DYRK2: variants seen among roughly 807,000 people sequenced by gnomAD.
DYRK2 encodes the protein dual specificity tyrosine-phosphorylation-regulated kinase 2.
In DYRK2, 12 loss-of-function variants were observed where a neutral mutation model predicts 41.6. The observed-to-expected ratio is 0.29, with a 90% CI of 0.18 to 0.47. DYRK2 has a LOEUF of 0.47. DYRK2 is among the 20% of genes least tolerant of loss of function. The pLI, the probability that DYRK2 is intolerant of heterozygous loss-of-function variation, is 1.00. For synonymous variants in DYRK2, 322 were observed against 315.7 expected (o/e 1.02, Z -0.21); for missense variants, 678 against 798.4 (o/e 0.85, Z 1.82).
chr12:67,649,253 C>A (rs1872231508), intron 1 of DYRK2, 71 bp downstream of exon 1: 4 of 1,205,058 alleles, frequency 3.3e-6, no homozygotes, highest in Non-Finnish European at 4.2e-6. Context: ...GTGGCGCGGG[C>A]GGCCGCTGCC....
At chr12:67,649,764 C>G (rs951908871) in intron 1 of DYRK2, 33 bp from the exon 2 acceptor site, 1 of 1,310,970 alleles carries the variant, frequency 7.6e-7, no homozygotes, top group Admixed American at 3.1e-5. Context: ...CCCCCCTGAC[C>G]CTCTTTTGTC....
chr12:67,649,742 G>T, intron 1 of DYRK2, 55 bp from the exon 2 acceptor site: 2 of 1,302,152 alleles, frequency 1.5e-6, no homozygotes, highest in East Asian at 2.8e-5. Context: ...GGGGGGGTCT[G>T]GGTGACTTTC....
chr12:67,649,405 C>T (rs1872238455), intron 1 of DYRK2, among the ~76,000 whole-genome samples: 1 of 151,712 alleles, frequency 6.6e-6, no homozygotes, highest in Non-Finnish European at 1.5e-5. Flanking sequence ...TTCTGCCTGC[C>T]GGGGGCCCGG....
rs762671872 is a variant in DYRK2 at position 67,661,931 on chromosome 12, C to T, written c.*3218C>T. On this transcript the variant is annotated 3_prime_UTR_variant, in exon 3 of 3. Transcript: ENST00000344096. ...CCAAAGTGCATTCCTTTTATATGTG[C>T]CTGGCTCTAGTAAGGATGGCCAGGG... 4 of 166,708 alleles carry T rather than the reference C, an allele frequency of 2.4e-5. No individual in the cohort carries two copies. The allele number at this position is 166,708 out of a possible 1,614,324, so 10.3% of individuals were successfully genotyped here.
rs1208385119 is a variant in DYRK2, at chr12:67,649,924, C to T, written c.177C>T (p.Asn59=). Residue 59 remains asparagine (N), a synonymous_variant, in exon 2 of 3, where the codon AAC becomes AAT. Transcript: ENST00000344096. ...CCCTGCCGCCTCTCCGGGCCAGCAACGCTGCCGCCGCAGCCCACACGGTGA... is the reference window on the plus strand; with the variant it reads ...CCCTGCCGCCTCTCCGGGCCAGCAATGCTGCCGCCGCAGCCCACACGGTGA... ...PIALPPLRAS[N]AAAAAHTIGG... 1.5e-6 allele frequency: 2 copies of T among 1,377,448 alleles called. No homozygotes were observed. Among genetic ancestry groups the T allele is most frequent in the African/African-American group, 1.5e-5 (1 of 65,666 alleles). The allele number at this position is 1,377,448 out of a possible 1,614,324, so 85.3% of individuals were successfully genotyped here. A position where few individuals can be genotyped will look rare whatever the true frequency, so the allele number is the denominator to read the frequency against.
chr12:67,658,375 C>G lies in DYRK2; in HGVS notation c.1468C>G (p.Pro490Ala). ...GRSRRGKLRGPPESREWGNAL... is the reference protein window; with the variant it reads ...GRSRRGKLRGAPESREWGNAL... Reference sequence around the variant, plus strand: ...TTCCCGGAGGGGGAAACTGAGGGGCCCACCGGAGAGCAGAGAGTGGGGGAA... The same window carrying G: ...TTCCCGGAGGGGGAAACTGAGGGGCGCACCGGAGAGCAGAGAGTGGGGGAA... The change falls in exon 3 of 3, where the codon CCA becomes GCA. Residue 490 changes from proline to alanine, a missense_variant. Transcript: ENST00000344096. The surrounding 1 kb of genome is among the most constrained non-coding windows in gnomAD (Gnocchi z 4.3). The G allele has an allele frequency of 6.2e-7, 1 of 1,607,944 alleles. No homozygotes were observed. Among genetic ancestry groups the G allele is most frequent in the Admixed American group, 1.7e-5 (1 of 58,940 alleles).
At position 67,661,308 on chromosome 12, in the gene DYRK2, TC is replaced by T. The variant is rs1399245494; in HGVS notation, c.*2596del. On this transcript the variant is annotated 3_prime_UTR_variant, in exon 3 of 3. Transcript: ENST00000344096. Reference sequence around the variant, plus strand: ...GTTGGCTTGGAAACAGTTTTTGGTCTCACAGGTTACCATTGTTTGGGGATGT... The same window carrying T: ...GTTGGCTTGGAAACAGTTTTTGGTCTACAGGTTACCATTGTTTGGGGATGT... The T allele has an allele frequency of 1.2e-5, 2 of 167,134 alleles. No homozygotes were observed. Among genetic ancestry groups the T allele is most frequent in the Non-Finnish European group, 2.9e-5 (2 of 68,106 alleles). The allele number at this position is 167,134 out of a possible 1,614,324, so 10.4% of individuals were successfully genotyped here.
intron 2 of DYRK2, among the ~76,000 whole-genome samples, chr12:67,652,998 T>TTTTGTA (rs986442023): frequency 6.6e-6 from 1 of 151,916 alleles, no homozygotes; most frequent in Non-Finnish European, 1.5e-5. Context: ...CCTGGCTAAT[T>TTTTGTA]TTTGTATTTT....
rs899262820 is a variant in DYRK2 at position 67,659,027 on chromosome 12, C to T, written c.*314C>T. 1.3e-5 allele frequency: 3 copies of T among 234,500 alleles called. No individual in the cohort carries two copies. The Admixed American group carries it at 1.7e-4, about 13-fold the overall frequency. The allele number at this position is 234,500 out of a possible 1,614,324, so 14.5% of individuals were successfully genotyped here. On this transcript the variant is annotated 3_prime_UTR_variant, in exon 3 of 3. Coordinates refer to ENST00000344096, the MANE Select transcript of DYRK2 (RefSeq NM_006482.3). ...TTACTTCATGACTGCCACGCATTTA[C>T]AGATTGGTGTCAAAGACATTCACTA...
chr12:67,663,686 A>G lies in DYRK2; in HGVS notation c.*4973A>G, dbSNP rs1415655562. The G allele has an allele frequency of 1.3e-5, 2 of 152,206 alleles. No individual in the cohort carries two copies. Among genetic ancestry groups the G allele is most frequent in the Non-Finnish European group, 2.9e-5 (2 of 68,022 alleles). 9.4% of individuals were successfully genotyped at this position (152,206 alleles called of 1,614,324 possible). A position where few individuals can be genotyped will look rare whatever the true frequency, so the allele number is the denominator to read the frequency against. ...ATTGAAAATTGGTGCTAAAGTGGCA[A>G]TGTCAATTTAAAATTTCTTGTCCAG... On this transcript the variant is annotated 3_prime_UTR_variant, in exon 3 of 3. Coordinates refer to ENST00000344096, the MANE Select transcript of DYRK2 (RefSeq NM_006482.3).
At position 67,657,243 on chromosome 12, in the gene DYRK2, A is replaced by C. The variant is rs1872500024; in HGVS notation, c.336A>C (p.Thr112=). 1.9e-6 allele frequency: 3 copies of C among 1,614,002 alleles called. No homozygotes were observed. The highest frequency in any genetic ancestry group is 3.3e-5 in the Admixed American group (2 of 59,986). ...TCACGACACAACCAAATGGGCTTAC[A>C]ACAGTGGGCAAAACGGGCTTGCCAG... ...TVLTTQPNGL[T]TVGKTGLPVV... The change falls in exon 3 of 3, where the codon ACA becomes ACC. Residue 112 remains threonine (T), a synonymous_variant. Coordinates refer to ENST00000344096, the MANE Select transcript of DYRK2 (RefSeq NM_006482.3). This position sits in a 1 kb window ranked among gnomAD's most constrained non-coding sequence, Gnocchi z 4.8.
chr12:67,652,000 GTTA>G (rs1360030192), intron 2 of DYRK2, among the ~76,000 whole-genome samples: 2 of 151,798 alleles, frequency 1.3e-5, no homozygotes, highest in Non-Finnish European at 2.9e-5. Flanking sequence ...TAAATTTTTA[GTTA>G]TTATTTCCAG....
In DYRK2 at chr12:67,657,273, G is replaced by A. The variant is rs1344807920; in HGVS notation, c.366G>A (p.Val122=). 2.5e-6 allele frequency: 4 copies of A among 1,613,902 alleles called. No homozygotes were observed. Among genetic ancestry groups the A allele is most frequent in the Non-Finnish European group, 3.4e-6 (4 of 1,180,004 alleles). The change falls in exon 3 of 3, where the codon GTG becomes GTA. Residue 122 remains valine, a synonymous_variant. Coordinates refer to ENST00000344096, the MANE Select transcript of DYRK2 (RefSeq NM_006482.3). The surrounding 1 kb of genome is among the most constrained non-coding windows in gnomAD (Gnocchi z 4.8). ...TTVGKTGLPV[V]PERQLDSIHR... is the part of the protein sequence containing the mutation. ...TGGGCAAAACGGGCTTGCCAGTGGT[G>A]CCAGAGCGGCAGCTGGACAGCATTC... is the stretch of plus-strand genomic sequence containing the variant.
rs1262829028 is a variant in DYRK2 at position 67,657,835 on chromosome 12, G to C, written c.928G>C (p.Glu310Gln). The change falls in exon 3 of 3, where the codon GAG becomes CAG. Residue 310 changes from glutamate (E) to glutamine (Q), a missense_variant. By Grantham distance (29) the Glu-to-Gln change is conservative. Coordinates refer to ENST00000344096, the MANE Select transcript of DYRK2 (RefSeq NM_006482.3). This position sits in a 1 kb window ranked among gnomAD's most constrained non-coding sequence, Gnocchi z 4.8. Reference sequence around the variant, plus strand: ...TGAGCTGCTGAGCATGAACCTCTATGAGCTCATCAAGAAGAATAAATTCCA... The same window carrying C: ...TGAGCTGCTGAGCATGAACCTCTATCAGCTCATCAAGAAGAATAAATTCCA... ...TFELLSMNLY[E>Q]LIKKNKFQGF... is the part of the protein sequence containing the mutation. The C allele has an allele frequency of 6.2e-7, 1 of 1,614,212 alleles. No homozygotes were observed. The highest frequency in any genetic ancestry group is 1.3e-5 in the African/African-American group (1 of 75,044).
rs1403139008 is a variant in DYRK2 at position 67,662,325 on chromosome 12, G to C, written c.*3612G>C. ...ATAAAATTAATTGTAATTATACTCA[G>C]CTCAACTGCTACAGTTCTGTCTAGG... On this transcript the variant is annotated 3_prime_UTR_variant, in exon 3 of 3. Coordinates refer to ENST00000344096, the MANE Select transcript of DYRK2 (RefSeq NM_006482.3). 6.0e-6 allele frequency: 1 copy of C among 166,872 alleles called. No homozygotes were observed. The highest frequency in any genetic ancestry group is 1.5e-5 in the Non-Finnish European group (1 of 68,064). The allele number at this position is 166,872 out of a possible 1,614,324, so 10.3% of individuals were successfully genotyped here.
At chr12:67,649,986 G>C in intron 2 of DYRK2, 41 bp downstream of exon 2, 5 of 1,312,794 alleles carry the variant, frequency 3.8e-6, no homozygotes, top group Non-Finnish European at 4.8e-6. Flanking sequence ...GTGGGGGCGG[G>C]AGGGGCCCCA....
At position 67,660,368 on chromosome 12, in the gene DYRK2, A is replaced by T. The variant is rs1872590262; in HGVS notation, c.*1655A>T. On this transcript the variant is annotated 3_prime_UTR_variant, in exon 3 of 3. Coordinates refer to ENST00000344096, the MANE Select transcript of DYRK2 (RefSeq NM_006482.3). ...TCCTACAGTTTATCTTAAGAAAAAA[A>T]AAAAGGTTTGAAAAAAACACTTTAA... The T allele has an allele frequency of 6.0e-6, 1 of 167,046 alleles. No homozygotes were observed. Among genetic ancestry groups the T allele is most frequent in the Non-Finnish European group, 1.5e-5 (1 of 68,100 alleles). 10.3% of individuals were successfully genotyped at this position (167,046 alleles called of 1,614,324 possible). A position where few individuals can be genotyped will look rare whatever the true frequency, so the allele number is the denominator to read the frequency against.
chr12:67,650,541 A>G (rs1482178661), intron 2 of DYRK2, among the ~76,000 whole-genome samples: 1 of 152,246 alleles, frequency 6.6e-6, no homozygotes, highest in Non-Finnish European at 1.5e-5. Flanking sequence ...AGTCAAAACA[A>G]GCCACCCCTG....
intron 1 of DYRK2, chr12:67,649,563 CG>C: frequency 2.2e-6 from 1 of 444,960 alleles, no homozygotes; most frequent in Non-Finnish European, 3.6e-6. Context: ...CCGGCTCCCC[CG>C]CCGGGTCGCG....
Sources: allele counts gnomAD v4.1 joint callset (sites outside exome capture counted in the v4.1 genomes callset), GRCh38; gene constraint gnomAD v4.1.1; non-coding constraint Gnocchi (gnomAD v3.1); transcripts MANE v1.5; gene names NCBI Gene and HGNC (gene_info 2026-07-23, HGNC 2026-07-21).